The following DACH1 variants were observed in gnomAD, a reference collection of about 807,000 sequenced individuals.
DACH1 encodes dachshund family transcription factor 1.
In DACH1, 12 loss-of-function variants were observed where a neutral mutation model predicts 54.2. The ratio of observed to expected loss-of-function variants is 0.22; its 90% CI spans 0.14 to 0.36. The LOEUF (loss-of-function observed/expected upper bound fraction) is 0.36. Among genes scored for constraint, DACH1 ranks in the 10% least tolerant of loss-of-function variants. The probability of loss-of-function intolerance (pLI) is 1.00; values close to 1 mark genes in which losing one functional copy is unlikely to be tolerated. For synonymous variants in DACH1, 386 were observed against 366.2 expected, an observed-to-expected ratio of 1.05 and a Z score of -0.62; for missense variants, 805 against 929.8, an observed-to-expected ratio of 0.87 and a Z score of 1.75.
intron 5 of DACH1, 93 bp downstream of exon 5, chr13:71,559,727 G>C: frequency 6.7e-7 from 1 of 1,496,426 alleles, no homozygotes; most frequent in Non-Finnish European, 9.2e-7. Context: ...TGATCCATCT[G>C]AGATCTATTT....
chr13:71,732,934 A>G (rs933027070), intron 1 of DACH1, among the ~76,000 whole-genome samples: 2 of 152,100 alleles, frequency 1.3e-5, no homozygotes, highest in Non-Finnish European at 2.9e-5. Flanking sequence ...ATCTTCTACC[A>G]TCAATTCCTT....
chr13:71,569,111 C>T (rs1293487468), intron 4 of DACH1, among the ~76,000 whole-genome samples: 1 of 152,102 alleles, frequency 6.6e-6, no homozygotes, highest in Non-Finnish European at 1.5e-5. Context: ...AAGTCTTCAT[C>T]TATCTAGTTT....
intron 6 of DACH1, among the ~76,000 whole-genome samples, chr13:71,551,007 A>T (rs1883779718): frequency 6.6e-6 from 1 of 152,142 alleles, no homozygotes; most frequent in Admixed American, 6.6e-5. Flanking sequence ...AAAATATAGA[A>T]AATTTTAAAG....
At chr13:71,531,627 A>G (rs917752036) in intron 6 of DACH1, among the ~76,000 whole-genome samples, 12 of 152,048 alleles carry the variant, frequency 7.9e-5, no homozygotes, top group Admixed American at 7.2e-4. Context: ...AAATATTAAA[A>G]CATGCAAGCA....
At chr13:71,624,366 A>G (rs1290602940) in intron 3 of DACH1, among the ~76,000 whole-genome samples, 1 of 151,966 alleles carries the variant, frequency 6.6e-6, no homozygotes, top group East Asian at 1.9e-4. Context: ...TTTCTTGACC[A>G]CATGTGAAGC....
At chr13:71,468,931 T>C (rs911251776) in intron 10 of DACH1, among the ~76,000 whole-genome samples, 3 of 152,206 alleles carry the variant, frequency 2.0e-5, no homozygotes, top group Non-Finnish European at 2.9e-5. Flanking sequence ...ATTTTTTCAA[T>C]TGTATATCAT....
chr13:71,603,657 T>C (rs1298939064), intron 3 of DACH1, among the ~76,000 whole-genome samples: 1 of 151,960 alleles, frequency 6.6e-6, no homozygotes, highest in Non-Finnish European at 1.5e-5. Flanking sequence ...TTTATACAAA[T>C]AACGAATTTT....
chr13:71,766,151 G>T (rs1594195175), intron 1 of DACH1, among the ~76,000 whole-genome samples: 1 of 152,152 alleles, frequency 6.6e-6, no homozygotes, highest in Non-Finnish European at 1.5e-5. Flanking sequence ...CTCCCAAAGT[G>T]CTGGGATTAC....
rs148641427 is a variant in DACH1 at position 71,836,941 on chromosome 13, A to G, written c.848+28981T>C. Among the ~76,000 whole-genome samples the G allele has an allele frequency of 3.7e-3, 567 of 152,132 alleles. 7 individuals are homozygous for G. Among genetic ancestry groups the G allele is most frequent in the East Asian group, 0.026 (135 of 5,160 alleles). The stretch of plus-strand genomic sequence containing the variant: ...AAAACACCTAGAAGAAATGCCTGTC[A>G]TATATTAGGTGCATAACAAATATGC... On this transcript the variant is annotated intron_variant, in intron 1 of 10. Coordinates refer to ENST00000613252, the MANE Select transcript of DACH1 (RefSeq NM_080759.6).
chr13:71,669,345 A>C (rs1880073687), intron 2 of DACH1, among the ~76,000 whole-genome samples: 1 of 152,124 alleles, frequency 6.6e-6, no homozygotes, highest in South Asian at 2.1e-4. Flanking sequence ...AGGACATTAG[A>C]GTTTCATAGG....
chr13:71,505,516 A>G (rs530964297), intron 6 of DACH1, among the ~76,000 whole-genome samples: 2 of 152,124 alleles, frequency 1.3e-5, no homozygotes, highest in East Asian at 3.9e-4. Flanking sequence ...TTGTGTGTGT[A>G]TACCTAAATG....
chr13:71,636,593 G>A (rs1038254256), intron 2 of DACH1, among the ~76,000 whole-genome samples: 1 of 149,302 alleles, frequency 6.7e-6, no homozygotes, highest in South Asian at 2.1e-4. Flanking sequence ...TTTTCACTGC[G>A]TAAAAATGGA....
At position 71,523,872 on chromosome 13, in the gene DACH1, C is replaced by T. The variant is rs1881773057; in HGVS notation, c.1570+33152G>A. Among the ~76,000 whole-genome samples the T allele has an allele frequency of 2.0e-5, 3 of 152,048 alleles. 1 individual carries two copies. Among genetic ancestry groups the T allele is most frequent in the African/African-American group, 7.2e-5 (3 of 41,416 alleles). ...CTATTCTACTTCCAAAAACTGTTTGCCACCAGTAGACAATTTAATTTTACC... is the reference window on the plus strand; with the variant it reads ...CTATTCTACTTCCAAAAACTGTTTGTCACCAGTAGACAATTTAATTTTACC... On this transcript the variant is annotated intron_variant, in intron 6 of 10. Coordinates refer to ENST00000613252, the MANE Select transcript of DACH1 (RefSeq NM_080759.6).
intron 1 of DACH1, among the ~76,000 whole-genome samples, chr13:71,730,664 G>A (rs937057418): frequency 6.6e-6 from 1 of 151,962 alleles, no homozygotes; most frequent in East Asian, 1.9e-4. Context: ...TCATTATTTG[G>A]CATTTACAGA....
At chr13:71,598,380 G>A (rs553258688) in intron 3 of DACH1, among the ~76,000 whole-genome samples, 39 of 151,994 alleles carry the variant, frequency 2.6e-4, no homozygotes, top group African/African-American at 9.4e-4. Context: ...TCAGCCTCCT[G>A]AGTAGCTGGG....
Position 71,572,938 on chromosome 13 carries a change from C to T in DACH1, c.1201G>A (p.Ala401Thr). Residue 401 changes from alanine (A) to threonine (T), a missense_variant, in exon 4 of 11, where the codon GCA (alanine) becomes ACA (threonine). Around this residue, in one of 3 missense-constraint regions of DACH1, gnomAD observed 472 missense variants for 545.3 expected, o/e 0.87. Coordinates refer to ENST00000613252, the MANE Select transcript of DACH1 (RefSeq NM_080759.6). ...VSLPPASVTM[A>T]MSQMNHLSTI... ...CTGAGGTGGTTCATCTGGCTCATTG[C>T]CATGGTGACAGATGCTGGAGGTAGG... 11 of 1,613,990 alleles carry T rather than the reference C, an allele frequency of 6.8e-6. No individual in the cohort carries two copies. Among genetic ancestry groups the T allele is most frequent in the Non-Finnish European group, 9.3e-6 (11 of 1,179,982 alleles).
At chr13:71,824,393 C>T (rs1888304230) in intron 1 of DACH1, among the ~76,000 whole-genome samples, 1 of 151,834 alleles carries the variant, frequency 6.6e-6, no homozygotes, top group East Asian at 1.9e-4. Flanking sequence ...AGGAACTTTC[C>T]CTAATACTCT....
intron 2 of DACH1, among the ~76,000 whole-genome samples, chr13:71,673,155 C>A (rs2138680892): frequency 6.6e-6 from 1 of 152,136 alleles, no homozygotes; most frequent in African/African-American, 2.4e-5. Context: ...TGGTAATTTT[C>A]TTCTAAATTA....
intron 6 of DACH1, among the ~76,000 whole-genome samples, chr13:71,516,506 C>T (rs73521228): frequency 0.015 from 2,217 of 151,942 alleles, 62 homozygotes; most frequent in African/African-American, 0.051. Context: ...CTGTCAAACG[C>T]CTTATGACTT....
Sources: gnomAD v4.1 joint callset for allele counts (sites outside exome capture counted in the v4.1 genomes callset) on GRCh38, gnomAD v4.1.1 for gene constraint, gnomAD v4.1.1 regional missense constraint, MANE v1.5 for transcripts, NCBI Gene and HGNC (gene_info 2026-07-23, HGNC 2026-07-21) for gene names.